Variants in BCAR3 observed in about 807,000 individuals in gnomAD.
BCAR3 encodes BCAR3 adaptor protein, NSP family member.
In BCAR3, 37 loss-of-function variants were observed where a neutral mutation model predicts 80.1. That is an observed-to-expected ratio of 0.46 (90% CI 0.36 to 0.61). BCAR3 has a LOEUF of 0.61. BCAR3 is among the 20% of genes least tolerant of loss of function. The probability of loss-of-function intolerance (pLI) is 0.00; values close to 1 mark genes in which losing one functional copy is unlikely to be tolerated. For synonymous variants in BCAR3, 389 were observed against 418.9 expected (o/e 0.93, Z 0.87); for missense variants, 978 against 1,068.2 (o/e 0.92, Z 1.18).
intron 1 of BCAR3, among the ~76,000 whole-genome samples, chr1:93,680,498 G>A (rs1484077367): frequency 1.3e-5 from 2 of 152,120 alleles, no homozygotes; most frequent in Admixed American, 1.3e-4. Context: ...CAGCACTGAG[G>A]CCTCTCCCAG....
chr1:93,686,749 T>G (rs2101960562), upstream of BCAR3, among the ~76,000 whole-genome samples: 1 of 152,280 alleles, frequency 6.6e-6, no homozygotes, highest in East Asian at 1.9e-4. Context: ...GGAGAACAGC[T>G]CCCTTTGGCT....
chr1:93,629,084 T>C (rs920735960), intron 3 of BCAR3, among the ~76,000 whole-genome samples: 6 of 152,326 alleles, frequency 3.9e-5, no homozygotes, highest in South Asian at 2.1e-4. Flanking sequence ...CAAAGTTATA[T>C]GTAGTTAGAC....
intron 2 of BCAR3, among the ~76,000 whole-genome samples, chr1:93,741,247 C>T (rs1271623905): frequency 6.6e-6 from 1 of 152,158 alleles, no homozygotes; most frequent in Admixed American, 6.5e-5. Flanking sequence ...TACTGGCTTG[C>T]AACTTGGGGA....
chr1:93,686,134 G>C (rs139113993), upstream of BCAR3, among the ~76,000 whole-genome samples: 1,739 of 152,268 alleles, frequency 0.011, 14 homozygotes, highest in Non-Finnish European at 0.018. Flanking sequence ...CAAGTTGGGG[G>C]CACTGATCAG....
intron 2 of BCAR3, among the ~76,000 whole-genome samples, chr1:93,716,000 C>T (rs1650177980): frequency 6.6e-6 from 1 of 152,220 alleles, no homozygotes; most frequent in Non-Finnish European, 1.5e-5. Flanking sequence ...ATGTCAGCGT[C>T]TCTCCCCTGC....
intron 2 of BCAR3, among the ~76,000 whole-genome samples, chr1:93,780,590 T>C (rs994526167): frequency 2.0e-5 from 3 of 148,538 alleles, no homozygotes; most frequent in Non-Finnish European, 4.5e-5. Flanking sequence ...AAAAACAAGA[T>C]GGAGGAGCCA....
chr1:93,730,892 C>T (rs981519655), intron 2 of BCAR3, among the ~76,000 whole-genome samples: 1 of 152,182 alleles, frequency 6.6e-6, no homozygotes, highest in South Asian at 2.1e-4. Flanking sequence ...CAGTAGAGAA[C>T]CCTGGCAAAC....
intron 2 of BCAR3, among the ~76,000 whole-genome samples, chr1:93,764,881 CCCGGTCTA>C (rs975509123): frequency 2.9e-4 from 44 of 152,176 alleles, no homozygotes; most frequent in Non-Finnish European, 4.4e-5. Context: ...TTTCCTCTTG[CCCGGTCTA>C]CCCCAGGCCA....
intron 2 of BCAR3, among the ~76,000 whole-genome samples, chr1:93,671,857 C>T (rs1354905624): frequency 6.6e-6 from 1 of 151,654 alleles, no homozygotes; most frequent in African/African-American, 2.4e-5. Flanking sequence ...TTGTACTCCT[C>T]AAAATTGGGA....
intron 2 of BCAR3, among the ~76,000 whole-genome samples, chr1:93,747,595 T>C (rs953546809): frequency 6.6e-5 from 10 of 151,666 alleles, no homozygotes; most frequent in African/African-American, 2.2e-4. Flanking sequence ...AGTGCTCACC[T>C]GCCCTATCAA....
At chr1:93,738,627 T>C (rs1651073500) in intron 2 of BCAR3, among the ~76,000 whole-genome samples, 1 of 152,096 alleles carries the variant, frequency 6.6e-6, no homozygotes, top group Non-Finnish European at 1.5e-5. Flanking sequence ...ATCAGAGGGC[T>C]GGGCAGGGCA....
intron 2 of BCAR3, among the ~76,000 whole-genome samples, chr1:93,804,721 T>G (rs374112629): frequency 1.3e-5 from 2 of 152,206 alleles, no homozygotes; most frequent in African/African-American, 4.8e-5. Flanking sequence ...CGAAGTTGAC[T>G]GCAAGTAACT....
chr1:93,785,925 G>GGGAAT (rs1652921234), intron 2 of BCAR3, among the ~76,000 whole-genome samples: 2 of 115,422 alleles, frequency 1.7e-5, no homozygotes, highest in African/African-American at 4.7e-5. Flanking sequence ...CGGGCGCGGT[G>GGGAAT]GCTCACGCCT....
chr1:93,747,151 G>T (rs1373108665), intron 2 of BCAR3, among the ~76,000 whole-genome samples: 1 of 152,200 alleles, frequency 6.6e-6, no homozygotes, highest in Non-Finnish European at 1.5e-5. Flanking sequence ...GGGAAGGAGA[G>T]GTAGTCTGGA....
intron 3 of BCAR3, among the ~76,000 whole-genome samples, chr1:93,597,349 A>G (rs976035116): frequency 6.6e-6 from 1 of 152,216 alleles, no homozygotes; most frequent in Non-Finnish European, 1.5e-5. Context: ...TAGAAAATTA[A>G]TAAGTTACTA....
At chr1:93,566,350 TC>T (rs1320112186) in intron 11 of BCAR3, among the ~76,000 whole-genome samples, 2 of 152,076 alleles carry the variant, frequency 1.3e-5, no homozygotes, top group Non-Finnish European at 2.9e-5. Flanking sequence ...GCTTCCTCTT[TC>T]CTAACATCTC....
intron 7 of BCAR3, among the ~76,000 whole-genome samples, chr1:93,576,737 TC>T (rs1673475314): frequency 6.6e-6 from 1 of 152,254 alleles, no homozygotes; most frequent in African/African-American, 2.4e-5. Flanking sequence ...TTTCTTAAAA[TC>T]TTTGTCCCAG....
At chr1:93,661,194 C>A (rs1465921772) in intron 2 of BCAR3, among the ~76,000 whole-genome samples, 3 of 152,178 alleles carry the variant, frequency 2.0e-5, no homozygotes, top group Non-Finnish European at 2.9e-5. Flanking sequence ...GATGCGCCAC[C>A]ACGCCCTGCT....
chr1:93,756,176 C>G (rs1230664576), intron 2 of BCAR3, among the ~76,000 whole-genome samples: 1 of 152,194 alleles, frequency 6.6e-6, no homozygotes, highest in Non-Finnish European at 1.5e-5. Flanking sequence ...TTAAGCTGCT[C>G]TTTAATTGCA....
Sources: gnomAD v4.1 joint callset for allele counts (sites outside exome capture counted in the v4.1 genomes callset) on GRCh38, gnomAD v4.1.1 for gene constraint, MANE v1.5 for transcripts, NCBI Gene and HGNC (gene_info 2026-07-23, HGNC 2026-07-21) for gene names.